ZCCHC4: variants seen among roughly 807,000 people sequenced by gnomAD.
The protein encoded by ZCCHC4 is rRNA N(6)-adenosine-methyltransferase ZCCHC4.
ZCCHC4 carries 54 observed loss-of-function variants against 67.7 expected under a neutral mutation model. The observed-to-expected ratio is 0.80, with a 90% CI of 0.64 to 1.00. The LOEUF is 1.00. Ranked by LOEUF, ZCCHC4 falls within the 50% of genes least tolerant of loss-of-function variation. The probability of loss-of-function intolerance (pLI) is 0.00; values close to 1 mark genes in which losing one functional copy is unlikely to be tolerated. For synonymous variants in ZCCHC4, 198 were observed against 213.5 expected, an observed-to-expected ratio of 0.93 and a Z score of 0.63; for missense variants, 609 against 617.0, an observed-to-expected ratio of 0.99 and a Z score of 0.14.
chr4:25,357,920 T>G (rs755505023), intron 8 of ZCCHC4, among the ~76,000 whole-genome samples: 11 of 152,188 alleles, frequency 7.2e-5, no homozygotes, highest in Non-Finnish European at 1.5e-4. Context: ...AGAATTTGCA[T>G]TCCTAATGAG....
At chr4:25,322,208 C>G (rs1040608533) in intron 3 of ZCCHC4, among the ~76,000 whole-genome samples, 2 of 152,142 alleles carry the variant, frequency 1.3e-5, no homozygotes, top group African/African-American at 4.8e-5. Context: ...CTTGCTCTCT[C>G]ACCCAGGTTG....
intron 8 of ZCCHC4, among the ~76,000 whole-genome samples, chr4:25,356,958 A>G (rs138658428): frequency 3.3e-4 from 51 of 152,296 alleles, no homozygotes; most frequent in African/African-American, 1.2e-3. Flanking sequence ...AATCCTCTCC[A>G]CTAAATTCAT....
chr4:25,345,539 AT>A lies in ZCCHC4; in HGVS notation c.687-5del. Reference sequence around the variant, plus strand: ...TGACTGGGCAAATAACTCTGTAATTATTTTACAGGTATTCACAGTTTTATAT... The same window carrying A: ...TGACTGGGCAAATAACTCTGTAATTATTTACAGGTATTCACAGTTTTATAT... On this transcript the variant is annotated splice_region_variant and splice_polypyrimidine_tract_variant and intron_variant, in intron 5 of 12. Transcript: ENST00000302874. The A allele has an allele frequency of 7.1e-7, 1 of 1,415,440 alleles. No homozygotes were observed. Among genetic ancestry groups the A allele is most frequent in the Non-Finnish European group, 9.9e-7 (1 of 1,005,254 alleles). The allele number at this position is 1,415,440 out of a possible 1,614,324, so 87.7% of individuals were successfully genotyped here.
At chr4:25,349,451 T>C (rs1720179992) in intron 6 of ZCCHC4, 41 bp from the exon 7 acceptor site, 1 of 1,596,100 alleles carries the variant, frequency 6.3e-7, no homozygotes, top group Non-Finnish European at 8.6e-7. Flanking sequence ...GAAGTGCCTC[T>C]CTCTAGTCCT....
chr4:25,360,200 A>G (rs1720673630), intron 8 of ZCCHC4, among the ~76,000 whole-genome samples: 2 of 152,210 alleles, frequency 1.3e-5, no homozygotes, highest in Admixed American at 1.3e-4. Flanking sequence ...ATATTATGCT[A>G]ACCTCTGATT....
intron 3 of ZCCHC4, among the ~76,000 whole-genome samples, chr4:25,324,675 C>A (rs954548927): frequency 6.6e-6 from 1 of 152,196 alleles, no homozygotes; most frequent in Non-Finnish European, 1.5e-5. Flanking sequence ...CTATCAGCAA[C>A]GTACGAGGAA....
intron 5 of ZCCHC4, among the ~76,000 whole-genome samples, chr4:25,339,487 G>A (rs2109071126): frequency 6.6e-6 from 1 of 152,242 alleles, no homozygotes; most frequent in South Asian, 2.1e-4. Flanking sequence ...TCTCCTTGAG[G>A]TTTTGTTTTG....
At chr4:25,339,874 ATTT>A (rs530212923) in intron 5 of ZCCHC4, among the ~76,000 whole-genome samples, 2 of 142,398 alleles carry the variant, frequency 1.4e-5, no homozygotes, top group African/African-American at 2.6e-5. Flanking sequence ...CTATTTTGAG[ATTT>A]TTTTTTTTTT....
intron 5 of ZCCHC4, among the ~76,000 whole-genome samples, chr4:25,340,733 TTATTA>T (rs1719715148): frequency 6.6e-6 from 1 of 152,230 alleles, no homozygotes; most frequent in South Asian, 2.1e-4. Flanking sequence ...TCTAGATGTT[TTATTA>T]TTTTTGGTGC....
chr4:25,349,639 C>T lies in ZCCHC4; in HGVS notation c.907C>T (p.Gln303Ter). The T allele has an allele frequency of 6.2e-7, 1 of 1,613,472 alleles. No homozygotes were observed. Among genetic ancestry groups the T allele is most frequent in the Non-Finnish European group, 8.5e-7 (1 of 1,179,718 alleles). Reference sequence around the variant, plus strand: ...TGCTATGTGGAAAGAAGGTCAAAGCCAAGGTGTATAATTTATTACTGCAAA... The same window carrying T: ...TGCTATGTGGAAAGAAGGTCAAAGCTAAGGTGTATAATTTATTACTGCAAA... ...LIAMWKEGQSQDDSHKELPIF... is the reference protein window; with the variant it reads ...LIAMWKEGQS Residue 303 changes from glutamine to a stop codon, truncating the protein, a stop_gained, in exon 7 of 13, where the codon CAA becomes TAA. Coordinates refer to ENST00000302874, the MANE Select transcript of ZCCHC4 (RefSeq NM_024936.3). LOFTEE classifies it high-confidence loss of function.
chr4:25,342,435 C>T (rs1459076874), intron 5 of ZCCHC4, among the ~76,000 whole-genome samples: 4 of 152,078 alleles, frequency 2.6e-5, no homozygotes, highest in Non-Finnish European at 5.9e-5. Flanking sequence ...GTAGGAGGTA[C>T]GAAGTTCACA....
intron 6 of ZCCHC4, among the ~76,000 whole-genome samples, chr4:25,345,970 T>A (rs1242655693): frequency 6.6e-6 from 1 of 152,144 alleles, no homozygotes; most frequent in Non-Finnish European, 1.5e-5. Context: ...GTCAGACGCC[T>A]TTCCACCGCA....
intron 11 of ZCCHC4, among the ~76,000 whole-genome samples, 189 bp downstream of exon 11, chr4:25,364,694 A>C (rs987499609): frequency 2.0e-5 from 3 of 152,210 alleles, no homozygotes; most frequent in African/African-American, 7.2e-5. Context: ...ATGAGAGATG[A>C]TTGCTAACCT....
intron 12 of ZCCHC4, chr4:25,365,924 T>C (rs315674): frequency 0.13 from 130,562 of 982,978 alleles, 8,957 homozygotes; most frequent in East Asian, 0.26. Context: ...TCTTCCTTTA[T>C]TGCTAAGAAA....
chr4:25,326,541 C>T (rs1384758848), intron 3 of ZCCHC4, among the ~76,000 whole-genome samples: 1 of 152,036 alleles, frequency 6.6e-6, no homozygotes, highest in Non-Finnish European at 1.5e-5. Context: ...TATTTTTTTC[C>T]CTTGACCTAT....
intron 5 of ZCCHC4, among the ~76,000 whole-genome samples, chr4:25,337,531 C>G (rs1427080077): frequency 6.6e-6 from 1 of 152,168 alleles, no homozygotes; most frequent in Admixed American, 6.5e-5. Context: ...GGGTCACTTG[C>G]CTATTCCAGA....
chr4:25,315,404 C>T lies in ZCCHC4; in HGVS notation c.329+4C>T, dbSNP rs1414009607. On this transcript the variant is annotated splice_donor_region_variant and intron_variant, in intron 3 of 12. Transcript: ENST00000302874. The stretch of plus-strand genomic sequence containing the variant: ...CCCGAACGCAGTGTGTGGAAAGGTA[C>T]TGATGCAGTGTCATTTTTCTTTATT... 6.3e-7 allele frequency: 1 copy of T among 1,589,008 alleles called. No individual in the cohort carries two copies. The highest frequency in any genetic ancestry group is 1.3e-5 in the African/African-American group (1 of 74,208).
At chr4:25,348,928 T>C (rs1274757665) in intron 6 of ZCCHC4, among the ~76,000 whole-genome samples, 1 of 152,254 alleles carries the variant, frequency 6.6e-6, no homozygotes, top group Non-Finnish European at 1.5e-5. Context: ...CATGGTTTCA[T>C]GGACCAGATG....
chr4:25,365,537 G>A, intron 12 of ZCCHC4: 5 of 993,894 alleles, frequency 5.0e-6, no homozygotes, highest in Non-Finnish European at 4.8e-6. Flanking sequence ...GACACATGAT[G>A]GCAGGAAAGG....
Sources: gnomAD v4.1 joint callset for allele counts (sites outside exome capture counted in the v4.1 genomes callset) on GRCh38, gnomAD v4.1.1 for gene constraint, MANE v1.5 for transcripts, NCBI Gene and HGNC (gene_info 2026-07-23, HGNC 2026-07-21) for gene names.